The following PTPRD variants were observed in gnomAD, a reference collection of about 807,000 sequenced individuals.
PTPRD encodes the protein receptor-type tyrosine-protein phosphatase delta.
Under a neutral mutation model 214.5 loss-of-function variants are expected in PTPRD, and 34 were observed. The ratio of observed to expected loss-of-function variants is 0.16; its 90% CI spans 0.12 to 0.21. The LOEUF (loss-of-function observed/expected upper bound fraction) is 0.21, where lower values mean the gene tolerates loss of function less well. PTPRD is among the 10% of genes least tolerant of loss of function. The pLI is 1.00. For synonymous variants in PTPRD, 1,128 were observed against 845.7 expected (o/e 1.33, Z -5.79); for missense variants, 2,545 against 2,398.7 (o/e 1.06, Z -1.27).
chr9:9,837,727 G>C (rs539044357), intron 5 of PTPRD, among the ~76,000 whole-genome samples: 1 of 151,936 alleles, frequency 6.6e-6, no homozygotes, highest in Non-Finnish European at 1.5e-5. Flanking sequence ...GACTTTGGCT[G>C]TGTTTTCTGT....
At chr9:8,934,399 G>T (rs1233492875) in intron 11 of PTPRD, among the ~76,000 whole-genome samples, 1 of 32,604 alleles carries the variant, frequency 3.1e-5, no homozygotes, top group Admixed American at 5.1e-4. Flanking sequence ...AATTATGTGT[G>T]TGTGTGTGTG....
chr9:8,869,913 G>T (rs1199441615), intron 11 of PTPRD, among the ~76,000 whole-genome samples: 2 of 151,980 alleles, frequency 1.3e-5, no homozygotes, highest in African/African-American at 4.8e-5. Flanking sequence ...CATAACTAAG[G>T]TCCTAACAGC....
intron 8 of PTPRD, among the ~76,000 whole-genome samples, chr9:9,410,819 T>C (rs2075149870): frequency 6.6e-6 from 1 of 152,154 alleles, no homozygotes; most frequent in Admixed American, 6.5e-5. Flanking sequence ...CTTCCCAACA[T>C]GCTTTCCTGC....
At chr9:10,412,507 C>T (rs2098446422) in intron 2 of PTPRD, among the ~76,000 whole-genome samples, 2 of 151,618 alleles carry the variant, frequency 1.3e-5, no homozygotes, top group Admixed American at 1.3e-4. Flanking sequence ...GAGCTGGTAC[C>T]ATTCCTACTG....
chr9:8,477,576 C>G (rs1214849036), intron 30 of PTPRD, among the ~76,000 whole-genome samples: 1 of 152,054 alleles, frequency 6.6e-6, no homozygotes, highest in Non-Finnish European at 1.5e-5. Flanking sequence ...GTGAAAAGTC[C>G]GTCTAGGAGT....
intron 34 of PTPRD, among the ~76,000 whole-genome samples, chr9:8,447,661 C>A (rs1262169354): frequency 6.6e-6 from 1 of 152,166 alleles, no homozygotes. Context: ...TTCCCGGAAA[C>A]ATTTTCTGTT....
rs73396839 is a variant in PTPRD, at chr9:9,799,337, A to G, written c.-367-32486T>C. On this transcript the variant is annotated intron_variant, in intron 5 of 45. Transcript: ENST00000381196. Reference sequence around the variant, plus strand: ...TAAATGAGTTAATCAATAGAATAGAATCAAAGACCACTGGAATTTGAAAGT... The same window carrying G: ...TAAATGAGTTAATCAATAGAATAGAGTCAAAGACCACTGGAATTTGAAAGT... 220 of 152,318 alleles carry G rather than the reference A, an allele frequency of 1.4e-3. 1 individual carries two copies. The highest frequency in any genetic ancestry group is 5.1e-3 in the African/African-American group (214 of 41,582). The allele number at this position is 152,318 out of a possible 1,614,324, so 9.4% of individuals were successfully genotyped here.
chr9:10,195,436 C>A (rs1479654736), intron 3 of PTPRD, among the ~76,000 whole-genome samples: 1 of 152,044 alleles, frequency 6.6e-6, no homozygotes, highest in Non-Finnish European at 1.5e-5. Flanking sequence ...TGTTACCTGT[C>A]CATGTGACTG....
chr9:8,938,675 A>G (rs1256812007), intron 11 of PTPRD, among the ~76,000 whole-genome samples: 2 of 152,058 alleles, frequency 1.3e-5, no homozygotes, highest in African/African-American at 4.8e-5. Flanking sequence ...CTTAGGGAAC[A>G]AATTCTTTTA....
intron 5 of PTPRD, among the ~76,000 whole-genome samples, chr9:9,844,288 T>C (rs927673342): frequency 1.3e-5 from 2 of 151,992 alleles, no homozygotes; most frequent in Admixed American, 1.3e-4. Context: ...TCATCACCCA[T>C]GCTGTACATT....
intron 42 of PTPRD, among the ~76,000 whole-genome samples, 161 bp from the exon 43 acceptor site, chr9:8,339,208 C>A (rs1387407493): frequency 6.6e-6 from 1 of 152,110 alleles, no homozygotes; most frequent in Admixed American, 6.6e-5. Flanking sequence ...CTCTTAGAAA[C>A]CATGAGCTCC....
At chr9:8,929,335 T>A (rs115729775) in intron 11 of PTPRD, among the ~76,000 whole-genome samples, 17,648 of 152,148 alleles carry the variant, frequency 0.12, 1,165 homozygotes, top group South Asian at 0.19. Flanking sequence ...TTGTCATGAA[T>A]ACCTCTTATT....
At chr9:10,139,338 T>A (rs2098965839) in intron 3 of PTPRD, among the ~76,000 whole-genome samples, 1 of 151,772 alleles carries the variant, frequency 6.6e-6, no homozygotes, top group Non-Finnish European at 1.5e-5. Context: ...AAAAAAACTC[T>A]ACAAGTAGAA....
chr9:9,849,142 C>T (rs756120760), intron 5 of PTPRD, among the ~76,000 whole-genome samples: 6 of 151,818 alleles, frequency 4.0e-5, no homozygotes, highest in South Asian at 2.1e-4. Context: ...ATTTACTTTC[C>T]GTTCAAAGTT....
chr9:9,751,980 G>C (rs1456229894), intron 6 of PTPRD, among the ~76,000 whole-genome samples: 1 of 151,980 alleles, frequency 6.6e-6, no homozygotes, highest in Admixed American at 6.6e-5. Flanking sequence ...TAACCATTTG[G>C]TAGATTATAC....
Position 8,461,825 on chromosome 9 carries a change from T to G in PTPRD, c.3715-1254A>C, listed in dbSNP as rs867159554. Among the ~76,000 whole-genome samples, 221 of 152,108 alleles carry G rather than the reference T, an allele frequency of 1.5e-3. 1 individual carries two copies. Among genetic ancestry groups the G allele is most frequent in the African/African-American group, 5.0e-3 (208 of 41,524 alleles). On this transcript the variant is annotated intron_variant, in intron 32 of 45. Transcript: ENST00000381196. ...CAAACATTCTTTTTTTAAAAAAATT[T>G]TTTTTATAGAGATGGGGTCTCACCA...
At chr9:8,463,151 C>G (rs1159451273) in intron 32 of PTPRD, among the ~76,000 whole-genome samples, 3 of 151,568 alleles carry the variant, frequency 2.0e-5, no homozygotes, top group Admixed American at 2.0e-4. Flanking sequence ...GGCCATCAAG[C>G]AGGAGAACAG....
intron 11 of PTPRD, among the ~76,000 whole-genome samples, chr9:8,774,401 G>C (rs761949685): frequency 1.3e-5 from 2 of 152,044 alleles, no homozygotes; most frequent in Non-Finnish European, 2.9e-5. Flanking sequence ...GAGATTACAG[G>C]AGAGAGCTGA....
chr9:8,805,811 C>G (rs529152588), intron 11 of PTPRD, among the ~76,000 whole-genome samples: 2 of 151,010 alleles, frequency 1.3e-5, no homozygotes, highest in Non-Finnish European at 3.0e-5. Context: ...CTGGCTAACA[C>G]AGTGAAATCC....
Sources: gnomAD v4.1 joint callset for allele counts (sites outside exome capture counted in the v4.1 genomes callset) on GRCh38, gnomAD v4.1.1 for gene constraint, MANE v1.5 for transcripts, NCBI Gene and HGNC (gene_info 2026-07-23, HGNC 2026-07-21) for gene names.